Variants in GRM7 observed in about 807,000 individuals in gnomAD.
GRM7 encodes metabotropic glutamate receptor 7.
Under a neutral mutation model 84.5 loss-of-function variants are expected in GRM7, and 35 were observed. The ratio of observed to expected loss-of-function variants is 0.41; its 90% CI spans 0.32 to 0.55. GRM7 has a LOEUF of 0.55. GRM7 is among the 20% of genes least tolerant of loss of function. The pLI is 0.19. For synonymous variants in GRM7, 487 were observed against 455.1 expected (o/e 1.07, Z -0.89); for missense variants, 1,003 against 1,194.6 (o/e 0.84, Z 2.36).
intron 8 of GRM7, among the ~76,000 whole-genome samples, chr3:7,601,038 G>A (rs1696288540): frequency 6.6e-6 from 1 of 152,076 alleles, no homozygotes; most frequent in Admixed American, 6.6e-5. Context: ...TGGAGTCTTT[G>A]CACATGTTGA....
At chr3:7,339,358 T>C (rs116656710) in intron 4 of GRM7, among the ~76,000 whole-genome samples, 2,375 of 152,214 alleles carry the variant, frequency 0.016, 55 homozygotes, top group African/African-American at 0.054. Context: ...GCCTAAGACA[T>C]GGGAAATACA....
intron 2 of GRM7, among the ~76,000 whole-genome samples, chr3:7,241,943 G>A (rs961282482): frequency 6.6e-6 from 1 of 152,156 alleles, no homozygotes; most frequent in African/African-American, 2.4e-5. Flanking sequence ...AGCTACAGCT[G>A]TTTTTTAAAA....
chr3:7,348,225 C>T (rs1692977957), intron 4 of GRM7, among the ~76,000 whole-genome samples: 1 of 152,070 alleles, frequency 6.6e-6, no homozygotes, highest in Admixed American at 6.6e-5. Context: ...TATCTATGGA[C>T]TTCAGTTTGT....
intron 2 of GRM7, among the ~76,000 whole-genome samples, chr3:7,259,859 A>G (rs1377371499): frequency 6.6e-6 from 1 of 151,656 alleles, no homozygotes; most frequent in Non-Finnish European, 1.5e-5. Context: ...TCTTGGAGGA[A>G]TCGCCACACT....
In GRM7 at chr3:7,152,572, C is replaced by T. The variant is rs111831353; in HGVS notation, c.736+5904C>T. On this transcript the variant is annotated intron_variant, in intron 2 of 9. Transcript: ENST00000357716. ...ACTTATTCAACCTTCTGTGGATTTG[C>T]GGATATTCTTTGCCTTTGCAGAGGC... Among the ~76,000 whole-genome samples the T allele has an allele frequency of 6.5e-4, 99 of 152,300 alleles. 1 individual carries two copies. Among genetic ancestry groups the T allele is most frequent in the African/African-American group, 2.3e-3 (95 of 41,580 alleles).
chr3:7,658,993 T>C (rs1001811630), intron 8 of GRM7, among the ~76,000 whole-genome samples: 1 of 152,210 alleles, frequency 6.6e-6, no homozygotes, highest in Non-Finnish European at 1.5e-5. Flanking sequence ...ACAAAGATTT[T>C]AAGATTTCTG....
intron 7 of GRM7, among the ~76,000 whole-genome samples, chr3:7,532,291 A>C (rs1701068296): frequency 6.6e-6 from 1 of 152,082 alleles, no homozygotes. Flanking sequence ...TTCTGCCTCA[A>C]TTTCAGAACT....
chr3:7,177,490 A>G (rs1695192006), intron 2 of GRM7, among the ~76,000 whole-genome samples: 2 of 151,478 alleles, frequency 1.3e-5, no homozygotes, highest in Admixed American at 6.6e-5. Context: ...TAGCTATAAT[A>G]AACTTAAGAA....
intron 7 of GRM7, among the ~76,000 whole-genome samples, chr3:7,556,493 C>T (rs1693765762): frequency 6.6e-6 from 1 of 152,134 alleles, no homozygotes; most frequent in African/African-American, 2.4e-5. Context: ...ATGCTACCTG[C>T]TATGAGGGGT....
At chr3:7,093,713 A>AAAAAAAAT (rs1698753112) in intron 1 of GRM7, among the ~76,000 whole-genome samples, 1 of 68,670 alleles carries the variant, frequency 1.5e-5, no homozygotes, top group Admixed American at 1.2e-4. Flanking sequence ...AAAAAAAAAA[A>AAAAAAAAT]AGGTAGTTAG....
At chr3:7,164,138 C>T (rs548784892) in intron 2 of GRM7, among the ~76,000 whole-genome samples, 1 of 152,164 alleles carries the variant, frequency 6.6e-6, no homozygotes, top group East Asian at 1.9e-4. Flanking sequence ...GTGGGCAGAA[C>T]ACTTGAGGCC....
intron 8 of GRM7, among the ~76,000 whole-genome samples, chr3:7,605,260 A>G (rs1047724180): frequency 1.3e-5 from 2 of 152,150 alleles, no homozygotes; most frequent in Non-Finnish European, 2.9e-5. Context: ...GAGACTCAAA[A>G]GGCTGTGGTT....
chr3:7,465,702 C>T (rs1216887473), intron 7 of GRM7, among the ~76,000 whole-genome samples: 1 of 151,888 alleles, frequency 6.6e-6, no homozygotes, highest in East Asian at 1.9e-4. Context: ...TTCATGGGTA[C>T]TTTTTCAATT....
intron 1 of GRM7, among the ~76,000 whole-genome samples, chr3:7,137,995 G>A (rs4441639): frequency 0.32 from 48,943 of 151,894 alleles, 8,659 homozygotes; most frequent in African/African-American, 0.47. Flanking sequence ...AGTGAATTTC[G>A]TAAGACATCC....
chr3:7,302,902 G>T (rs1559219224), intron 3 of GRM7, among the ~76,000 whole-genome samples: 2 of 149,258 alleles, frequency 1.3e-5, no homozygotes, highest in Non-Finnish European at 1.5e-5. Flanking sequence ...GGTATCTCTA[G>T]GCCAGAAGTA....
chr3:6,974,211 A>T (rs946298114), intron 1 of GRM7, among the ~76,000 whole-genome samples: 1 of 152,156 alleles, frequency 6.6e-6, no homozygotes, highest in African/African-American at 2.4e-5. Context: ...ATATGGAAAA[A>T]GCCGAAATGT....
chr3:7,411,640 GT>G (rs1264124049), intron 4 of GRM7, among the ~76,000 whole-genome samples: 1 of 151,946 alleles, frequency 6.6e-6, no homozygotes, highest in Non-Finnish European at 1.5e-5. Flanking sequence ...TTATTTTCTG[GT>G]TTGCACATTT....
chr3:7,572,114 G>C (rs13061592), intron 7 of GRM7, among the ~76,000 whole-genome samples: 73,940 of 152,020 alleles, frequency 0.49, 19,279 homozygotes, highest in Non-Finnish European at 0.58. Flanking sequence ...TTTGGGTGGA[G>C]AGACAATCAG....
chr3:6,905,036 T>C lies in GRM7; in HGVS notation c.519+43129T>C, dbSNP rs573030257. On this transcript the variant is annotated intron_variant, in intron 1 of 9. Transcript: ENST00000357716. ...ACTTGGCTCCTAATATATCTTAATA[T>C]CCGGCAGGGCAAGTTCTCCGTCTTG... Among the ~76,000 whole-genome samples the C allele has an allele frequency of 2.2e-4, 33 of 152,258 alleles. No individual in the cohort carries two copies. The East Asian group carries it at 6.2e-3, about 29-fold the overall frequency.
Sources: gnomAD v4.1 joint callset for allele counts (sites outside exome capture counted in the v4.1 genomes callset) on GRCh38, gnomAD v4.1.1 for gene constraint, MANE v1.5 for transcripts, NCBI Gene and HGNC (gene_info 2026-07-23, HGNC 2026-07-21) for gene names.